The following CORO7 variants were observed in gnomAD, a reference collection of about 807,000 sequenced individuals.
CORO7 encodes the protein coronin 7, also known as coronin-7.
Under a neutral mutation model 126.6 loss-of-function variants are expected in CORO7, and 107 were observed. The observed-to-expected ratio is 0.85, with a 90% CI of 0.72 to 0.99. The LOEUF (loss-of-function observed/expected upper bound fraction) is 0.99. Ranked by LOEUF, CORO7 falls within the 50% of genes least tolerant of loss-of-function variation. The probability of loss-of-function intolerance (pLI) is 0.00; values close to 1 mark genes in which losing one functional copy is unlikely to be tolerated. For missense variants in CORO7, 1,314 were observed against 1,255.8 expected (o/e 1.05, Z -0.70); for synonymous variants, 603 against 536.8 (o/e 1.12, Z -1.70).
At chr16:4,370,414 T>C (rs1270822215) in intron 9 of CORO7, among the ~76,000 whole-genome samples, 3 of 151,782 alleles carry the variant, frequency 2.0e-5, no homozygotes, top group Non-Finnish European at 4.4e-5. Flanking sequence ...CAGCTGAGAG[T>C]TCCTGTTCAA....
chr16:4,369,067 C>T (rs2054436234), intron 9 of CORO7, among the ~76,000 whole-genome samples: 2 of 152,246 alleles, frequency 1.3e-5, no homozygotes, highest in African/African-American at 4.8e-5. Context: ...CCTCCCTCAC[C>T]CCCGTTCCAT....
intron 9 of CORO7, among the ~76,000 whole-genome samples, chr16:4,378,605 G>A (rs889441176): frequency 1.3e-5 from 2 of 152,140 alleles, no homozygotes; most frequent in Non-Finnish European, 2.9e-5. Flanking sequence ...AGGGCCTTAG[G>A]TCATCAGACA....
At chr16:4,385,354 G>T (rs1214912240) in intron 9 of CORO7, among the ~76,000 whole-genome samples, 1 of 152,092 alleles carries the variant, frequency 6.6e-6, no homozygotes, top group Non-Finnish European at 1.5e-5. Flanking sequence ...CCGGCCACGC[G>T]GGAGGGCTTA....
intron 26 of CORO7, 151 bp downstream of exon 26, chr16:4,357,017 C>G: frequency 1.9e-6 from 2 of 1,079,688 alleles, no homozygotes; most frequent in Non-Finnish European, 2.7e-6. Flanking sequence ...TGGTAGGGCT[C>G]TGGAAGGTCT....
intron 9 of CORO7, chr16:4,380,841 T>C: frequency 6.9e-7 from 1 of 1,444,642 alleles, no homozygotes; most frequent in Non-Finnish European, 9.1e-7. Context: ...CTCACAGTCT[T>C]CTGTCTCTGC....
At position 4,384,801 on chromosome 16, in the gene CORO7, G is replaced by T. The variant is rs1205221119; in HGVS notation, c.785+3185C>A. On this transcript the variant is annotated intron_variant, in intron 9 of 27. Coordinates refer to ENST00000251166, the MANE Select transcript of CORO7 (RefSeq NM_024535.5). Reference sequence around the variant, plus strand: ...GGCAGCCCAGGTGGATTTCCTGTAGGCCTGGGTCCCATTAGGGGAGTGGCT... The same window carrying T: ...GGCAGCCCAGGTGGATTTCCTGTAGTCCTGGGTCCCATTAGGGGAGTGGCT... Among the ~76,000 whole-genome samples, 6 of 152,312 alleles carry T rather than the reference G, an allele frequency of 3.9e-5. No individual in the cohort carries two copies. The East Asian group carries it at 9.7e-4, about 25-fold the overall frequency.
Position 4,392,710 on chromosome 16 carries a change from C to T in CORO7, c.615+2579G>A, listed in dbSNP as rs144277124. On this transcript the variant is annotated intron_variant, in intron 7 of 27. Transcript: ENST00000251166. ...CCAGAAGGCCTCTCCCTCGAGCCGG[C>T]CCCTCGGCTCACACCGGCCCTGGCT... Among the ~76,000 whole-genome samples, 712 of 152,360 alleles carry T rather than the reference C, an allele frequency of 4.7e-3. 3 individuals are homozygous for T. The highest frequency in any genetic ancestry group is 0.014 in the Middle Eastern group (4 of 294).
chr16:4,374,087 G>C (rs893810866), intron 9 of CORO7, among the ~76,000 whole-genome samples: 1 of 124,930 alleles, frequency 8.0e-6, no homozygotes, highest in Admixed American at 8.5e-5. Context: ...GAGGGTGCAC[G>C]TGTGTGTGTG....
intron 9 of CORO7, among the ~76,000 whole-genome samples, chr16:4,379,579 C>G (rs958647563): frequency 1.3e-5 from 2 of 152,176 alleles, no homozygotes; most frequent in Non-Finnish European, 2.9e-5. Flanking sequence ...CTGCTTTCTT[C>G]TGTCTGCCCT....
At chr16:4,385,702 T>G (rs2141258897) in intron 9 of CORO7, among the ~76,000 whole-genome samples, 1 of 152,290 alleles carries the variant, frequency 6.6e-6, no homozygotes, top group East Asian at 1.9e-4. Context: ...CAGCCCCTGC[T>G]CCTCTCACTG....
At chr16:4,372,825 G>A (rs8058761) in intron 9 of CORO7, among the ~76,000 whole-genome samples, 35,467 of 152,158 alleles carry the variant, frequency 0.23, 5,575 homozygotes, top group Middle Eastern at 0.35. Flanking sequence ...CAGGGGTGGA[G>A]TGTGCAGGGT....
At chr16:4,361,134 C>G (rs748301714) in intron 18 of CORO7, 28 bp downstream of exon 18, 1 of 1,613,284 alleles carries the variant, frequency 6.2e-7, no homozygotes, top group Non-Finnish European at 8.5e-7. Flanking sequence ...CACTGGCCAC[C>G]CCAGCCCCAT....
intron 6 of CORO7, among the ~76,000 whole-genome samples, chr16:4,402,761 CCTCCCCGG>C (rs1379182809): frequency 1.3e-5 from 2 of 152,214 alleles, no homozygotes; most frequent in African/African-American, 4.8e-5. Context: ...GAGGCCGCGT[CCTCCCCGG>C]CTCATCAGGC....
rs183284044 is a variant in CORO7 at position 4,358,590 on chromosome 16, G to A, written c.2341-107C>T. ...CCCTCACTTAGGACCACCATGCCTA[G>A]GGCCTGTCCCTGGACAGTAACGTGT... On this transcript the variant is annotated intron_variant, in intron 23 of 27. Coordinates refer to ENST00000251166, the MANE Select transcript of CORO7 (RefSeq NM_024535.5). The A allele has an allele frequency of 7.6e-5, 80 of 1,047,410 alleles. No homozygotes were observed. In the East Asian group the frequency reaches 1.9e-3, roughly 24 times the overall value. The allele number at this position is 1,047,410 out of a possible 1,614,324, so 64.9% of individuals were successfully genotyped here. A position where few individuals can be genotyped will look rare whatever the true frequency, so the allele number is the denominator to read the frequency against.
chr16:4,384,735 C>G (rs896979171), intron 9 of CORO7, among the ~76,000 whole-genome samples: 1 of 152,148 alleles, frequency 6.6e-6, no homozygotes, highest in Non-Finnish European at 1.5e-5. Context: ...TGGGTGGTGG[C>G]AGTGGGCCTG....
chr16:4,369,491 T>C (rs1186752455), intron 9 of CORO7, among the ~76,000 whole-genome samples: 2 of 152,150 alleles, frequency 1.3e-5, no homozygotes, highest in Non-Finnish European at 2.9e-5. Context: ...GGCATAAAGT[T>C]ATAGAAGGTC....
chr16:4,403,623 T>G (rs1014304756), intron 6 of CORO7, among the ~76,000 whole-genome samples: 2 of 152,122 alleles, frequency 1.3e-5, no homozygotes, highest in African/African-American at 4.8e-5. Context: ...CTCCTATGAC[T>G]CTTCCTGCAA....
rs1596275412 is a variant in CORO7 at position 4,362,004 on chromosome 16, C to T, written c.1559G>A (p.Gly520Glu). 6.2e-7 allele frequency: 1 copy of T among 1,609,738 alleles called. No individual in the cohort carries two copies. Among genetic ancestry groups the T allele is most frequent in the Non-Finnish European group, 8.5e-7 (1 of 1,178,382 alleles). ...RVAVPLLSSG[G>E]QVAVLELRKP... ...CCTCACCTCAAGCACAGCCACCTGT[C>T]CCCCGCTGCTGAGCAGCGGCACGGC... The change falls in exon 16 of 28, where the codon GGA becomes GAA. Residue 520 changes from glycine to glutamate, a missense_variant. Physicochemically the swap from Gly to Glu is moderately conservative, Grantham distance 98. Coordinates refer to ENST00000251166, the MANE Select transcript of CORO7 (RefSeq NM_024535.5). The surrounding 1 kb of genome is among the most constrained non-coding windows in gnomAD (Gnocchi z 5.3).
intron 9 of CORO7, chr16:4,382,050 C>T: frequency 1.3e-6 from 2 of 1,592,204 alleles, no homozygotes; most frequent in Non-Finnish European, 1.7e-6. Context: ...AGGCCCCCAG[C>T]CCGCCCTCCA....
Sources: allele counts gnomAD v4.1 joint callset (sites outside exome capture counted in the v4.1 genomes callset), GRCh38; gene constraint gnomAD v4.1.1; non-coding constraint Gnocchi (gnomAD v3.1); transcripts MANE v1.5; gene names NCBI Gene and HGNC (gene_info 2026-07-23, HGNC 2026-07-21).